The following MAX variants were observed in gnomAD, a reference collection of about 807,000 sequenced individuals.
MAX encodes protein max.
Under a neutral mutation model 22.3 loss-of-function variants are expected in MAX, and 3 were observed. That is an observed-to-expected ratio of 0.13 (90% CI 0.06 to 0.35). The LOEUF (loss-of-function observed/expected upper bound fraction) is 0.35, where lower values mean the gene tolerates loss of function less well. Among genes scored for constraint, MAX ranks in the 10% least tolerant of loss-of-function variants. MAX has a pLI of 1.00. For synonymous variants in MAX, 72 were observed against 77.7 expected (o/e 0.93, Z 0.39); for missense variants, 119 against 209.4 (o/e 0.57, Z 2.66).
At chr14:65,033,975 A>G (rs1417976661) in intron 3 of MAX, among the ~76,000 whole-genome samples, 1 of 152,240 alleles carries the variant, frequency 6.6e-6, no homozygotes, top group Non-Finnish European at 1.5e-5. Context: ...GTATTACCAT[A>G]TAAATATAAT....
At chr14:65,071,674 T>C (rs2062989141), downstream of MAX, among the ~76,000 whole-genome samples, 1 of 152,234 alleles carries the variant, frequency 6.6e-6, no homozygotes. The surrounding 1 kb of genome is among the most constrained non-coding windows in gnomAD (Gnocchi z 4.2). Context: ...GTAGCTGGCA[T>C]GGCAGTCCAG....
intron 2 of MAX, among the ~76,000 whole-genome samples, chr14:65,099,686 C>G (rs752970260): frequency 1.3e-5 from 2 of 149,826 alleles, no homozygotes; most frequent in Non-Finnish European, 2.9e-5. Context: ...GATTTTACAA[C>G]TGGAGACTTG....
At position 65,084,291 on chromosome 14, in the gene MAX, G is replaced by T; in HGVS notation, c.172-6255C>A. On this transcript the variant is annotated intron_variant, in intron 3 of 4. Coordinates refer to ENST00000358664, the MANE Select transcript of MAX (RefSeq NM_002382.5). This position sits in a 1 kb window ranked among gnomAD's most constrained non-coding sequence, Gnocchi z 4.3. The stretch of plus-strand genomic sequence containing the variant: ...CAGGAGTACACAATTTCCAAAAGAG[G>T]AAATAGAGCTAGTAAATAAACATGT... The T allele has an allele frequency of 6.5e-7, 1 of 1,537,558 alleles. No homozygotes were observed. The highest frequency in any genetic ancestry group is 1.1e-5 in the South Asian group (1 of 89,580).
chr14:65,057,254 G>T (rs1301912271), intron 3 of MAX, among the ~76,000 whole-genome samples: 2 of 152,094 alleles, frequency 1.3e-5, no homozygotes, highest in African/African-American at 4.8e-5. Flanking sequence ...TTTGTTTTTG[G>T]TGTTTTTTTG....
At chr14:65,074,885 A>ACATC (rs755227782), downstream of MAX, among the ~76,000 whole-genome samples, 83 of 152,240 alleles carry the variant, frequency 5.5e-4, 1 homozygote, top group Non-Finnish European at 1.1e-3. Flanking sequence ...AGCTAAGGCT[A>ACATC]CATCCCTGTT....
At position 65,020,113 on chromosome 14, in the gene MAX, A is replaced by T. The variant is rs543311958; in HGVS notation, c.172-13829T>A. Reference sequence around the variant, plus strand: ...AAGGTTTCTCTTTCCTATTTTGTTCACTGCTGTGCTTCTATTTGTTTAGGG... The same window carrying T: ...AAGGTTTCTCTTTCCTATTTTGTTCTCTGCTGTGCTTCTATTTGTTTAGGG... On this transcript the variant is annotated intron_variant, in intron 3 of 3. Transcript: ENST00000341653. 1.1e-4 allele frequency among the ~76,000 whole-genome samples: 17 copies of T among 152,296 alleles called. No individual in the cohort carries two copies. In the South Asian group the frequency reaches 3.5e-3, roughly 32 times the overall value.
chr14:65,027,688 T>C lies in MAX; in HGVS notation c.172-21404A>G, dbSNP rs747641114. Reference sequence around the variant, plus strand: ...CTGTTGCCTCTCCTACCTCTTTCCCTGTTTCTCAGAGAGAAGCTTCTTCAG... The same window carrying C: ...CTGTTGCCTCTCCTACCTCTTTCCCCGTTTCTCAGAGAGAAGCTTCTTCAG... On this transcript the variant is annotated intron_variant, in intron 3 of 3. Transcript: ENST00000341653. The surrounding 1 kb of genome is among the most constrained non-coding windows in gnomAD (Gnocchi z 5.7). 5 of 1,614,234 alleles carry C rather than the reference T, an allele frequency of 3.1e-6. No individual in the cohort carries two copies. In the South Asian group the frequency reaches 3.3e-5, roughly 11 times the overall value.
At chr14:65,092,582 T>C (rs1260618669) in intron 3 of MAX, among the ~76,000 whole-genome samples, 3 of 152,184 alleles carry the variant, frequency 2.0e-5, no homozygotes, top group South Asian at 2.1e-4. Flanking sequence ...AAGTCCACAC[T>C]AAGTAGGCTT....
rs2062960218 is a variant in MAX at position 65,069,083 on chromosome 14, C to G, written c.171+24625G>C. Reference sequence around the variant, plus strand: ...GGTGATGACGTAAGTGCTAGGTGTCCATGCTCCTTGCGAGGCTCCATCCCC... The same window carrying G: ...GGTGATGACGTAAGTGCTAGGTGTCGATGCTCCTTGCGAGGCTCCATCCCC... On this transcript the variant is annotated intron_variant, in intron 3 of 3. Coordinates refer to the MAX transcript ENST00000341653. This position sits in a 1 kb window ranked among gnomAD's most constrained non-coding sequence, Gnocchi z 4.6. Among the ~76,000 whole-genome samples, 1 of 152,208 alleles carries G rather than the reference C, an allele frequency of 6.6e-6. No individual in the cohort carries two copies. The highest frequency in any genetic ancestry group is 1.5e-5 in the Non-Finnish European group (1 of 68,032).
intron 3 of MAX, among the ~76,000 whole-genome samples, chr14:65,037,350 G>C (rs1221312007): frequency 2.9e-5 from 4 of 135,836 alleles, no homozygotes; most frequent in African/African-American, 1.1e-4. Flanking sequence ...GTGATCGCCT[G>C]CCTCGGCCTC....
chr14:65,092,447 G>C (rs1471600485), intron 3 of MAX, among the ~76,000 whole-genome samples: 3 of 152,114 alleles, frequency 2.0e-5, no homozygotes, highest in African/African-American at 7.2e-5. Context: ...ATAATCTTTG[G>C]CATGTGTTTA....
rs1201317776 is a variant in MAX, at chr14:65,027,756, C to A, written c.172-21472G>T. ...GCAACCTGACGGCTCCTTTCTCATGCATGTCGGAGGTGAGGTGGATGTGAG... is the reference window on the plus strand; with the variant it reads ...GCAACCTGACGGCTCCTTTCTCATGAATGTCGGAGGTGAGGTGGATGTGAG... On this transcript the variant is annotated intron_variant, in intron 3 of 3. Transcript: ENST00000341653. The surrounding 1 kb of genome is among the most constrained non-coding windows in gnomAD (Gnocchi z 5.7). 1.2e-6 allele frequency: 2 copies of A among 1,614,170 alleles called. No homozygotes were observed. The highest frequency in any genetic ancestry group is 8.5e-7 in the Non-Finnish European group (1 of 1,180,044).
rs893091430 is a variant in MAX, at chr14:65,032,615, C to T, written c.172-26331G>A. On this transcript the variant is annotated intron_variant, in intron 3 of 3. Transcript: ENST00000341653. The surrounding 1 kb of genome is among the most constrained non-coding windows in gnomAD (Gnocchi z 5.0). The stretch of plus-strand genomic sequence containing the variant: ...TCCCGTTTCTGTCTTTCCAGAAGCG[C>T]ATACTGTGCTGCCTCCGTAGCCTCG... 6.2e-7 allele frequency: 1 copy of T among 1,613,690 alleles called. No homozygotes were observed. The highest frequency in any genetic ancestry group is 1.3e-5 in the African/African-American group (1 of 74,944).
downstream of MAX, among the ~76,000 whole-genome samples, chr14:65,071,914 C>T (rs2139721717): frequency 6.6e-6 from 1 of 152,336 alleles, no homozygotes; most frequent in Non-Finnish European, 1.5e-5. The surrounding 1 kb of genome is among the most constrained non-coding windows in gnomAD (Gnocchi z 4.2). Flanking sequence ...GGTTTTCTCC[C>T]TGAGGAAGTT....
chr14:65,018,273 T>G (rs904325064), intron 3 of MAX, among the ~76,000 whole-genome samples: 1 of 152,172 alleles, frequency 6.6e-6, no homozygotes, highest in African/African-American at 2.4e-5. Flanking sequence ...GAGGCTGCAG[T>G]GAGCCATGAT....
At chr14:65,063,353 A>G (rs140603630) in intron 3 of MAX, among the ~76,000 whole-genome samples, 445 of 152,350 alleles carry the variant, frequency 2.9e-3, no homozygotes, top group Non-Finnish European at 4.1e-3. Flanking sequence ...AATTGCAGTA[A>G]TAATTAATGT....
In MAX at chr14:65,031,964, G is replaced by A. The variant is rs1377694492; in HGVS notation, c.172-25680C>T. On this transcript the variant is annotated intron_variant, in intron 3 of 3. Transcript: ENST00000341653. The surrounding 1 kb of genome is among the most constrained non-coding windows in gnomAD (Gnocchi z 4.6). ...AGCAAAACAAAAAATATAGACGTGC[G>A]CCTTTTTCATTTAACGTGTGTGTGT... is the stretch of plus-strand genomic sequence containing the variant. Among the ~76,000 whole-genome samples, 6 of 148,340 alleles carry A rather than the reference G, an allele frequency of 4.0e-5. No homozygotes were observed. The highest frequency in any genetic ancestry group is 2.1e-4 in the South Asian group (1 of 4,668).
chr14:65,076,986 A>G lies in MAX; in HGVS notation c.296-323T>C. ...AGCTCCCTGTGGGATTCAGCAGTGCAATAACAGAGGAGAAGCTGGCCCAGG... is the reference window on the plus strand; with the variant it reads ...AGCTCCCTGTGGGATTCAGCAGTGCGATAACAGAGGAGAAGCTGGCCCAGG... On this transcript the variant is annotated intron_variant, in intron 4 of 4. Coordinates refer to ENST00000358664, the MANE Select transcript of MAX (RefSeq NM_002382.5). The surrounding 1 kb of genome is among the most constrained non-coding windows in gnomAD (Gnocchi z 6.6). 1 of 547,384 alleles carries G rather than the reference A, an allele frequency of 1.8e-6. No individual in the cohort carries two copies. The highest frequency in any genetic ancestry group is 1.9e-5 in the African/African-American group (1 of 53,114). The allele number at this position is 547,384 out of a possible 1,614,324, so 33.9% of individuals were successfully genotyped here. A position where few individuals can be genotyped will look rare whatever the true frequency, so the allele number is the denominator to read the frequency against.
rs951047779 is a variant in MAX, at chr14:65,027,708, C to T, written c.172-21424G>A. ...TTCCCTGTTTCTCAGAGAGAAGCTT[C>T]TTCAGTATTTGTACTCCCTGAAGCA... On this transcript the variant is annotated intron_variant, in intron 3 of 3. Coordinates refer to the MAX transcript ENST00000341653. This position sits in a 1 kb window ranked among gnomAD's most constrained non-coding sequence, Gnocchi z 5.7. 5.0e-6 allele frequency: 8 copies of T among 1,614,212 alleles called. No homozygotes were observed. Among genetic ancestry groups the T allele is most frequent in the Non-Finnish European group, 5.9e-6 (7 of 1,180,046 alleles).
Sources: allele counts gnomAD v4.1 joint callset (sites outside exome capture counted in the v4.1 genomes callset), GRCh38; gene constraint gnomAD v4.1.1; non-coding constraint Gnocchi (gnomAD v3.1); transcripts MANE v1.5; gene names NCBI Gene and HGNC (gene_info 2026-07-23, HGNC 2026-07-21).